ZNF532: variants seen among roughly 807,000 people sequenced by gnomAD.
ZNF532 encodes the protein zinc finger protein 532.
A neutral mutation model predicts 89.3 loss-of-function variants in ZNF532; 22 were observed. The ratio of observed to expected loss-of-function variants is 0.25; its 90% CI spans 0.18 to 0.35. The LOEUF (loss-of-function observed/expected upper bound fraction) is 0.35, where lower values mean the gene tolerates loss of function less well. ZNF532 is among the 10% of genes least tolerant of loss of function. The pLI is 1.00. For synonymous variants in ZNF532, 606 were observed against 649.6 expected, an observed-to-expected ratio of 0.93 and a Z score of 1.02; for missense variants, 1,132 against 1,643.4, an observed-to-expected ratio of 0.69 and a Z score of 5.38.
Position 58,919,345 on chromosome 18 carries a change from G to T in ZNF532, c.1058G>T (p.Gly353Val). 1 of 1,614,122 alleles carries T rather than the reference G, an allele frequency of 6.2e-7. No individual in the cohort carries two copies. ...AAAGGATCCCCGTCCTCTCCCGCAG[G>T]GTCCACACCAGCAATCCCCAAAGTC... ...SSKGSPSSPA[G>V]STPAIPKVRI... The change falls in exon 3 of 10, where the codon GGG becomes GTG. Residue 353 changes from glycine (G) to valine (V), a missense_variant. Gly to Val is a moderately radical substitution (Grantham distance 109). Coordinates refer to ENST00000591808, the MANE Select transcript of ZNF532 (RefSeq NM_001375912.1). This position sits in a 1 kb window ranked among gnomAD's most constrained non-coding sequence, Gnocchi z 6.1.
At chr18:58,946,765 C>G (rs1442637426) in intron 5 of ZNF532, among the ~76,000 whole-genome samples, 1 of 152,152 alleles carries the variant, frequency 6.6e-6, no homozygotes, top group Admixed American at 6.5e-5. Context: ...CACCCCCTCC[C>G]CCAAGGGTAC....
intron 2 of ZNF532, among the ~76,000 whole-genome samples, chr18:58,887,875 C>T (rs1248170376): frequency 6.6e-6 from 1 of 152,154 alleles, no homozygotes; most frequent in Admixed American, 6.6e-5. Context: ...GCTGCTTTAT[C>T]CCTGCGTCCC....
intron 2 of ZNF532, among the ~76,000 whole-genome samples, chr18:58,897,340 A>C (rs1286097807): frequency 6.6e-6 from 1 of 152,186 alleles, no homozygotes; most frequent in Admixed American, 6.5e-5. Context: ...TTCTAAATGC[A>C]TTGAGGTTGG....
intron 2 of ZNF532, among the ~76,000 whole-genome samples, chr18:58,872,792 C>T (rs368422091): frequency 4.0e-5 from 6 of 151,496 alleles, no homozygotes; most frequent in African/African-American, 1.5e-4. Context: ...CTCCGCCTTC[C>T]GGGTTCAAGC....
rs1224718525 is a variant in ZNF532 at position 58,865,111 on chromosome 18, G to A, written c.-402G>A. On this transcript the variant is annotated 5_prime_UTR_variant, in exon 1 of 10. Coordinates refer to ENST00000591808, the MANE Select transcript of ZNF532 (RefSeq NM_001375912.1). ...TTTCTTTTGCTTAAGGGATGGACAA[G>A]GAGCTGAGATTTATGACCCTTATTA... 6.6e-6 allele frequency: 1 copy of A among 152,072 alleles called. No individual in the cohort carries two copies. The highest frequency in any genetic ancestry group is 1.5e-5 in the Non-Finnish European group (1 of 68,038). 9.4% of individuals were successfully genotyped at this position (152,072 alleles called of 1,614,324 possible).
At chr18:58,892,408 A>G (rs1353853198) in intron 2 of ZNF532, among the ~76,000 whole-genome samples, 1 of 152,184 alleles carries the variant, frequency 6.6e-6, no homozygotes, top group South Asian at 2.1e-4. Flanking sequence ...GGTATCTGGG[A>G]TATGTTACTG....
rs191615811 is a variant in ZNF532 at position 58,866,904 on chromosome 18, A to G, written c.-18+1325A>G. On this transcript the variant is annotated intron_variant, in intron 2 of 9. Coordinates refer to ENST00000591808, the MANE Select transcript of ZNF532 (RefSeq NM_001375912.1). ...ACGGATATACCAGTAAATAGCTTACATGATGGAACAAAATTCTTTACAAAT... is the reference window on the plus strand; with the variant it reads ...ACGGATATACCAGTAAATAGCTTACGTGATGGAACAAAATTCTTTACAAAT... Among the ~76,000 whole-genome samples, 559 of 152,380 alleles carry G rather than the reference A, an allele frequency of 3.7e-3. 2 individuals carry two copies. The highest frequency in any genetic ancestry group is 5.6e-3 in the Non-Finnish European group (383 of 68,036).
chr18:58,918,507 T>A lies in ZNF532; in HGVS notation c.220T>A (p.Ser74Thr), dbSNP rs1201922537. The change falls in exon 3 of 10, where the codon TCC becomes ACC. Residue 74 changes from serine (S) to threonine (T), a missense_variant. Ser to Thr is a moderately conservative substitution (Grantham distance 58). Transcript: ENST00000591808. ...IVKNVRNIDS[S>T]EGGEKDGHNP... ...CAAGAATGTTCGGAACATTGACTCT[T>A]CCGAGGGCGGGGAGAAAGACGGCCA... 1.2e-6 allele frequency: 2 copies of A among 1,614,058 alleles called. No individual in the cohort carries two copies. Among genetic ancestry groups the A allele is most frequent in the Non-Finnish European group, 1.7e-6 (2 of 1,180,046 alleles).
intron 2 of ZNF532, among the ~76,000 whole-genome samples, chr18:58,896,972 G>A (rs2059292227): frequency 2.6e-5 from 4 of 152,196 alleles, no homozygotes; most frequent in Admixed American, 2.6e-4. Context: ...AAGGCTGTAT[G>A]GACTGCGCTC....
At chr18:58,951,645 T>TATTTTTTTTTTTG (rs2064169635) in intron 6 of ZNF532, among the ~76,000 whole-genome samples, 1 of 88,934 alleles carries the variant, frequency 1.1e-5, no homozygotes, top group South Asian at 4.6e-4. Context: ...CTCGCCCTGT[T>TATTTTTTTTTTTG]GTTTTTTTTT....
rs911477744 is a variant in ZNF532, at chr18:58,864,980, A to G, written c.-533A>G. 3 of 152,184 alleles carry G rather than the reference A, an allele frequency of 2.0e-5. No individual in the cohort carries two copies. The highest frequency in any genetic ancestry group is 4.4e-5 in the Non-Finnish European group (3 of 68,046). The allele number at this position is 152,184 out of a possible 1,614,324, so 9.4% of individuals were successfully genotyped here. On this transcript the variant is annotated 5_prime_UTR_variant, in exon 1 of 10. Transcript: ENST00000591808. ...GTGAATGCACACTTAGACACCACAC[A>G]GCACTGGTACGTGACTAATGGAGCC...
intron 5 of ZNF532, among the ~76,000 whole-genome samples, chr18:58,941,680 G>A (rs2063043932): frequency 6.6e-6 from 1 of 151,866 alleles, no homozygotes; most frequent in South Asian, 2.1e-4. Flanking sequence ...TGTTGCCAAG[G>A]CTTGTCTTGA....
chr18:58,923,725 C>T (rs528169653), intron 3 of ZNF532, among the ~76,000 whole-genome samples: 6 of 152,342 alleles, frequency 3.9e-5, no homozygotes, highest in Admixed American at 3.9e-4. Flanking sequence ...GAAAAAATTA[C>T]ACAGAACTTG....
At chr18:58,928,769 C>A (rs1335569102) in intron 3 of ZNF532, among the ~76,000 whole-genome samples, 1 of 152,208 alleles carries the variant, frequency 6.6e-6, no homozygotes, top group Admixed American at 6.5e-5. Flanking sequence ...GTATTCTGAT[C>A]TATCTGCTTA....
chr18:58,966,653 C>T (rs2147318454), intron 7 of ZNF532, among the ~76,000 whole-genome samples: 1 of 151,392 alleles, frequency 6.6e-6, no homozygotes, highest in East Asian at 1.9e-4. Flanking sequence ...GAAAGACTAA[C>T]ACGTTATTTT....
At chr18:58,927,424 ACAGAG>A (rs1234897658) in intron 3 of ZNF532, among the ~76,000 whole-genome samples, 2 of 148,606 alleles carry the variant, frequency 1.3e-5, no homozygotes, top group African/African-American at 5.0e-5. Flanking sequence ...GTGGTCGGCT[ACAGAG>A]CACAGGCTTT....
At chr18:58,906,325 T>G (rs1174985229) in intron 2 of ZNF532, among the ~76,000 whole-genome samples, 2 of 152,208 alleles carry the variant, frequency 1.3e-5, no homozygotes, top group Non-Finnish European at 2.9e-5. Flanking sequence ...TATTTAATAT[T>G]TTGGGTTGTA....
chr18:58,895,759 G>A (rs1246062105), intron 2 of ZNF532, among the ~76,000 whole-genome samples: 1 of 152,098 alleles, frequency 6.6e-6, no homozygotes, highest in Non-Finnish European at 1.5e-5. Context: ...CTAGCCTGTT[G>A]CTGGTATTTA....
chr18:58,899,572 G>A (rs903034813), intron 2 of ZNF532, among the ~76,000 whole-genome samples: 6 of 152,112 alleles, frequency 3.9e-5, no homozygotes, highest in African/African-American at 9.7e-5. Flanking sequence ...GGGTTCAAGC[G>A]ATTCTCCTGC....
Sources: gnomAD v4.1 joint callset for allele counts (sites outside exome capture counted in the v4.1 genomes callset) on GRCh38, gnomAD v4.1.1 for gene constraint, Gnocchi (gnomAD v3.1) non-coding constraint, MANE v1.5 for transcripts, NCBI Gene and HGNC (gene_info 2026-07-23, HGNC 2026-07-21) for gene names.